Variants in KIF13A observed in about 807,000 individuals in gnomAD.
The protein encoded by KIF13A is kinesin-like protein KIF13A.
In KIF13A, 79 loss-of-function variants were observed where a neutral mutation model predicts 212.2. The observed-to-expected ratio is 0.37, with a 90% CI of 0.31 to 0.45. KIF13A has a LOEUF of 0.45. Ranked by LOEUF, KIF13A falls within the 20% of genes least tolerant of loss-of-function variation. The pLI, the probability that KIF13A is intolerant of heterozygous loss-of-function variation, is 1.00. For synonymous variants in KIF13A, 789 were observed against 808.6 expected, an observed-to-expected ratio of 0.98 and a Z score of 0.41; for missense variants, 1,901 against 2,209.0, an observed-to-expected ratio of 0.86 and a Z score of 2.79.
downstream of KIF13A, chr6:17,760,697 A>G (rs1758544103): frequency 1.5e-6 from 1 of 650,674 alleles, no homozygotes; most frequent in Admixed American, 2.5e-5. Context: ...GGGGAGGGGA[A>G]AGGAGGTGGC....
At chr6:17,923,210 A>G (rs1775229065) in intron 2 of KIF13A, among the ~76,000 whole-genome samples, 1 of 151,874 alleles carries the variant, frequency 6.6e-6, no homozygotes, top group Non-Finnish European at 1.5e-5. Context: ...AGAAGTGGAG[A>G]CTGCAGTGAG....
At position 17,850,578 on chromosome 6, in the gene KIF13A, C is replaced by A. The variant is rs1767543151; in HGVS notation, c.583-121G>T. ...CTTTGTCACCACCCTTCCATAGAAA[C>A]CTCCCTGCCGCTCCTCCATTGAGCA... On this transcript the variant is annotated intron_variant, in intron 7 of 38. Coordinates refer to ENST00000259711, the MANE Select transcript of KIF13A (RefSeq NM_022113.6). The surrounding 1 kb of genome is among the most constrained non-coding windows in gnomAD (Gnocchi z 6.2). The A allele has an allele frequency of 3.2e-6, 3 of 951,688 alleles. No homozygotes were observed. Among genetic ancestry groups the A allele is most frequent in the Non-Finnish European group, 3.0e-6 (2 of 670,618 alleles). The allele number at this position is 951,688 out of a possible 1,614,324, so 59.0% of individuals were successfully genotyped here. A position where few individuals can be genotyped will look rare whatever the true frequency, so the allele number is the denominator to read the frequency against.
At chr6:17,972,784 C>G (rs1037291472) in intron 2 of KIF13A, among the ~76,000 whole-genome samples, 1 of 150,978 alleles carries the variant, frequency 6.6e-6, no homozygotes, top group Non-Finnish European at 1.5e-5. Context: ...GCAAAGCTTC[C>G]CTTTCCTCAA....
chr6:17,967,643 T>C lies in KIF13A; in HGVS notation c.146+19411A>G, dbSNP rs866237393. The stretch of plus-strand genomic sequence containing the variant: ...ACACAGACTGCTATCAGCAACAACT[T>C]TGTATAAGCTGCTCCCCATCTTTTA... On this transcript the variant is annotated intron_variant, in intron 2 of 38. Coordinates refer to ENST00000259711, the MANE Select transcript of KIF13A (RefSeq NM_022113.6). This position sits in a 1 kb window ranked among gnomAD's most constrained non-coding sequence, Gnocchi z 4.1. Among the ~76,000 whole-genome samples, 2 of 152,166 alleles carry C rather than the reference T, an allele frequency of 1.3e-5. No homozygotes were observed. The highest frequency in any genetic ancestry group is 4.8e-5 in the African/African-American group (2 of 41,446).
chr6:17,935,964 GT>G (rs953655703), intron 2 of KIF13A, among the ~76,000 whole-genome samples: 11 of 151,898 alleles, frequency 7.2e-5, no homozygotes, highest in Non-Finnish European at 1.5e-4. Flanking sequence ...GTGCACAGAG[GT>G]TTTTTTTCTT....
At position 17,963,522 on chromosome 6, in the gene KIF13A, C is replaced by T. The variant is rs1439749920; in HGVS notation, c.146+23532G>A. Among the ~76,000 whole-genome samples the T allele has an allele frequency of 6.6e-6, 1 of 152,152 alleles. No individual in the cohort carries two copies. The highest frequency in any genetic ancestry group is 1.5e-5 in the Non-Finnish European group (1 of 68,028). ...TATATTACCGATGACCACAAAAGGG[C>T]CCCAAGAGATTTGAGATTTGTAGGA... On this transcript the variant is annotated intron_variant, in intron 2 of 38. Coordinates refer to ENST00000259711, the MANE Select transcript of KIF13A (RefSeq NM_022113.6). The surrounding 1 kb of genome is among the most constrained non-coding windows in gnomAD (Gnocchi z 4.1).
At chr6:17,780,672 A>T in intron 31 of KIF13A, 58 bp downstream of exon 31, 1 of 1,517,578 alleles carries the variant, frequency 6.6e-7, no homozygotes, top group South Asian at 1.2e-5. Flanking sequence ...TGTGATAGAG[A>T]GAGGGAAAAA....
At chr6:17,774,909 G>T in intron 35 of KIF13A, 106 bp downstream of exon 35, 1 of 721,374 alleles carries the variant, frequency 1.4e-6, no homozygotes, top group Non-Finnish European at 2.2e-6. Flanking sequence ...TTTTTAAACT[G>T]ACAGGATCAA....
rs1297780615 is a variant in KIF13A at position 17,828,326 on chromosome 6, A to G, written c.1446T>C (p.Leu482=). 32 of 1,611,528 alleles carry G rather than the reference A, an allele frequency of 2.0e-5. No homozygotes were observed. Among genetic ancestry groups the G allele is most frequent in the Non-Finnish European group, 2.7e-5 (32 of 1,178,890 alleles). The change falls in exon 14 of 39, where the codon CTT becomes CTC. Residue 482 remains leucine (L), a synonymous_variant. Transcript: ENST00000259711. The surrounding 1 kb of genome is among the most constrained non-coding windows in gnomAD (Gnocchi z 4.3). ...VGADTSQDIQ[L]FGIGIQPQHC... ...GCTGAGGCTGAATTCCTATGCCAAA[A>G]AGCTGGATATCTTGAGAGGTATCTG...
rs1206052547 is a variant in KIF13A at position 17,968,647 on chromosome 6, G to A, written c.146+18407C>T. Reference sequence around the variant, plus strand: ...AATGTGAACTTTGTCAAAGACTGGTGACCTCCTGGCTGGACCAACCATTAC... The same window carrying A: ...AATGTGAACTTTGTCAAAGACTGGTAACCTCCTGGCTGGACCAACCATTAC... On this transcript the variant is annotated intron_variant, in intron 2 of 38. Transcript: ENST00000259711. This position sits in a 1 kb window ranked among gnomAD's most constrained non-coding sequence, Gnocchi z 4.7. Among the ~76,000 whole-genome samples the A allele has an allele frequency of 6.6e-6, 1 of 152,220 alleles. No homozygotes were observed. Among genetic ancestry groups the A allele is most frequent in the Non-Finnish European group, 1.5e-5 (1 of 68,042 alleles).
At chr6:17,819,506 G>C (rs570567943) in intron 16 of KIF13A, among the ~76,000 whole-genome samples, 7 of 152,152 alleles carry the variant, frequency 4.6e-5, no homozygotes, top group African/African-American at 1.7e-4. Context: ...AGGTTGTAGT[G>C]AGCTGAGATC....
intron 25 of KIF13A, among the ~76,000 whole-genome samples, chr6:17,791,141 T>C: frequency 6.6e-6 from 1 of 152,046 alleles, no homozygotes; most frequent in East Asian, 1.9e-4. Context: ...TAACCACCAT[T>C]ATCAGTTATA....
Position 17,794,484 on chromosome 6 carries a change from T to C in KIF13A, c.3075+88A>G. 1.3e-6 allele frequency: 2 copies of C among 1,557,636 alleles called. No homozygotes were observed. The highest frequency in any genetic ancestry group is 1.7e-6 in the Non-Finnish European group (2 of 1,149,170). On this transcript the variant is annotated intron_variant, in intron 24 of 38. Coordinates refer to ENST00000259711, the MANE Select transcript of KIF13A (RefSeq NM_022113.6). This position sits in a 1 kb window ranked among gnomAD's most constrained non-coding sequence, Gnocchi z 4.1. ...GGGGAAAAGGATTAGAGAATAAAGA[T>C]ACAAATAGTTAGAAAATCCCCAGAA...
At chr6:17,820,362 G>A (rs1245167640) in intron 16 of KIF13A, among the ~76,000 whole-genome samples, 1 of 152,148 alleles carries the variant, frequency 6.6e-6, no homozygotes, top group African/African-American at 2.4e-5. Flanking sequence ...TCTAGGGGCT[G>A]GGGTTTTGTT....
At chr6:17,805,662 T>G (rs1450682838) in intron 18 of KIF13A, 47 bp from the exon 19 acceptor site, 1 of 1,533,730 alleles carries the variant, frequency 6.5e-7, no homozygotes, top group Non-Finnish European at 8.8e-7. Flanking sequence ...AACTCCTTTT[T>G]CGATTGCTAA....
At chr6:17,975,578 C>T (rs1011125441) in intron 2 of KIF13A, among the ~76,000 whole-genome samples, 1 of 152,148 alleles carries the variant, frequency 6.6e-6, no homozygotes, top group African/African-American at 2.4e-5. Flanking sequence ...GAACAAAACG[C>T]GAACAAGTTA....
At chr6:17,788,638 T>G (rs1421519007) in intron 26 of KIF13A, among the ~76,000 whole-genome samples, 1 of 152,122 alleles carries the variant, frequency 6.6e-6, no homozygotes, top group African/African-American at 2.4e-5. Flanking sequence ...AAAATGCTCT[T>G]TGACTTGCCT....
chr6:17,904,390 C>T (rs1773311193), intron 2 of KIF13A, among the ~76,000 whole-genome samples: 1 of 152,142 alleles, frequency 6.6e-6, no homozygotes, highest in African/African-American at 2.4e-5. Flanking sequence ...ATCACTTGAA[C>T]CTGGGAAGCG....
intron 33 of KIF13A, among the ~76,000 whole-genome samples, chr6:17,778,022 C>T (rs1760158432): frequency 1.3e-5 from 2 of 152,048 alleles, no homozygotes; most frequent in Non-Finnish European, 2.9e-5. Flanking sequence ...CCTGTGGTTC[C>T]AGCTATCTGG....
Sources: gnomAD v4.1 joint callset for allele counts (sites outside exome capture counted in the v4.1 genomes callset) on GRCh38, gnomAD v4.1.1 for gene constraint, Gnocchi (gnomAD v3.1) non-coding constraint, MANE v1.5 for transcripts, NCBI Gene and HGNC (gene_info 2026-07-23, HGNC 2026-07-21) for gene names.